Variants in CUX2 observed in about 807,000 individuals in gnomAD.
CUX2 encodes homeobox protein cut-like 2.
In CUX2, 40 loss-of-function variants were observed where a neutral mutation model predicts 144.8. The observed-to-expected ratio is 0.28, with a 90% CI of 0.21 to 0.36. CUX2 has a LOEUF of 0.36. Among genes scored for constraint, CUX2 ranks in the 10% least tolerant of loss-of-function variants. The probability of loss-of-function intolerance (pLI) is 1.00; values close to 1 mark genes in which losing one functional copy is unlikely to be tolerated. For synonymous variants in CUX2, 827 were observed against 875.6 expected (o/e 0.94, Z 0.98); for missense variants, 1,615 against 1,994.0 (o/e 0.81, Z 3.62).
chr12:111,295,527 A>G lies in CUX2; in HGVS notation c.637+118A>G. The G allele has an allele frequency of 1.2e-6, 1 of 824,148 alleles. No homozygotes were observed. Among genetic ancestry groups the G allele is most frequent in the Non-Finnish European group, 1.9e-6 (1 of 534,850 alleles). 51.1% of individuals were successfully genotyped at this position (824,148 alleles called of 1,614,324 possible). A position where few individuals can be genotyped will look rare whatever the true frequency, so the allele number is the denominator to read the frequency against. ...AGGTGTTTTAGAATCAAGAGGGCAA[A>G]ATGGGAGTTTGGGAAGAATAATCTT... On this transcript the variant is annotated intron_variant, in intron 7 of 21. Coordinates refer to ENST00000261726, the MANE Select transcript of CUX2 (RefSeq NM_015267.4). The surrounding 1 kb of genome is among the most constrained non-coding windows in gnomAD (Gnocchi z 5.0).
At chr12:111,264,532 C>T (rs548638946) in intron 4 of CUX2, among the ~76,000 whole-genome samples, 6 of 152,236 alleles carry the variant, frequency 3.9e-5, no homozygotes, top group East Asian at 1.9e-4. Context: ...GTCAGGAGTT[C>T]GAGACCAGTC....
Position 111,320,148 on chromosome 12 carries a change from G to A in CUX2, c.2139G>A (p.Glu713=). The change falls in exon 17 of 22, where the codon GAG becomes GAA. Residue 713 remains glutamate, a synonymous_variant. Coordinates refer to ENST00000261726, the MANE Select transcript of CUX2 (RefSeq NM_015267.4). This position sits in a 1 kb window ranked among gnomAD's most constrained non-coding sequence, Gnocchi z 8.1. ...EMQAQQQALL[E]MEVAPRGRSV... ...AGGCGCAACAGCAGGCGCTGCTGGA[G>A]ATGGAGGTGGCGCCCAGGGGCCGCT... is the stretch of plus-strand genomic sequence containing the variant. The A allele has an allele frequency of 1.9e-6, 3 of 1,549,812 alleles. No homozygotes were observed. Among genetic ancestry groups the A allele is most frequent in the Non-Finnish European group, 2.6e-6 (3 of 1,151,430 alleles).
rs1463620478 is a variant in CUX2 at position 111,061,926 on chromosome 12, A to C, written c.63+27686A>C. Among the ~76,000 whole-genome samples the C allele has an allele frequency of 2.0e-5, 3 of 152,222 alleles. No individual in the cohort carries two copies. The highest frequency in any genetic ancestry group is 4.4e-5 in the Non-Finnish European group (3 of 68,040). ...ATTCTGCCCCTGCCAATAAGACTTC[A>C]GCGCGTGCACTCCATCTGTGCCTCA... On this transcript the variant is annotated intron_variant, in intron 1 of 21. Transcript: ENST00000261726. This position sits in a 1 kb window ranked among gnomAD's most constrained non-coding sequence, Gnocchi z 4.2.
intron 9 of CUX2, among the ~76,000 whole-genome samples, chr12:111,303,876 A>G (rs1886443864): frequency 6.6e-6 from 1 of 152,150 alleles, no homozygotes; most frequent in Non-Finnish European, 1.5e-5. Flanking sequence ...TCCCACCCAG[A>G]GAGCCTCTCT....
At chr12:111,092,870 A>G (rs973823917) in intron 1 of CUX2, among the ~76,000 whole-genome samples, 1 of 138,788 alleles carries the variant, frequency 7.2e-6, no homozygotes, top group Non-Finnish European at 1.5e-5. Flanking sequence ...GCTGGAGTGC[A>G]GTGGCCCGAT....
rs569133621 is a variant in CUX2 at position 111,077,292 on chromosome 12, G to C, written c.63+43052G>C. 6.6e-6 allele frequency among the ~76,000 whole-genome samples: 1 copy of C among 152,172 alleles called. No homozygotes were observed. The highest frequency in any genetic ancestry group is 2.1e-4 in the South Asian group (1 of 4,832). ...AGGCCTTTCCTTGAAACGCGCAGCC[G>C]TGTGGCAGGGCCCGGGAAGACGTGG... On this transcript the variant is annotated intron_variant, in intron 1 of 21. Coordinates refer to ENST00000261726, the MANE Select transcript of CUX2 (RefSeq NM_015267.4). This position sits in a 1 kb window ranked among gnomAD's most constrained non-coding sequence, Gnocchi z 4.1.
chr12:111,296,410 C>G, intron 7 of CUX2, 63 bp from the exon 8 acceptor site: 1 of 1,482,378 alleles, frequency 6.7e-7, no homozygotes, highest in Non-Finnish European at 9.2e-7. Flanking sequence ...CTCCACCTCC[C>G]TGGGAGACCC....
chr12:111,303,648 AAAG>A (rs1446368253), intron 9 of CUX2, among the ~76,000 whole-genome samples: 3 of 151,806 alleles, frequency 2.0e-5, no homozygotes, highest in Non-Finnish European at 2.9e-5. Context: ...AAAAAAAAAA[AAAG>A]AAAAGAAAAG....
At position 111,341,817 on chromosome 12, in the gene CUX2, C is replaced by T; in HGVS notation, c.3423C>T (p.Gly1141=). 6.2e-7 allele frequency: 1 copy of T among 1,611,826 alleles called. No individual in the cohort carries two copies. The highest frequency in any genetic ancestry group is 1.1e-5 in the South Asian group (1 of 90,936). The change falls in exon 21 of 22, where the codon GGC becomes GGT. Residue 1141 remains glycine (G), a synonymous_variant. Coordinates refer to ENST00000261726, the MANE Select transcript of CUX2 (RefSeq NM_015267.4). ...LKRRYGLIST[G]SDSESPATRS... ...GTCGCTATGGCCTCATCAGCACCGG[C>T]TCAGACAGTGAGTCCCCGGCCACCC...
intron 1 of CUX2, among the ~76,000 whole-genome samples, chr12:111,130,342 A>G (rs560425703): frequency 1.7e-4 from 26 of 152,226 alleles, no homozygotes; most frequent in South Asian, 1.2e-3. Flanking sequence ...AGAATTTAGT[A>G]GGTTTCCTCT....
At chr12:111,343,989 G>A (rs1412609020) in intron 21 of CUX2, among the ~76,000 whole-genome samples, 1 of 151,590 alleles carries the variant, frequency 6.6e-6, no homozygotes, top group Non-Finnish European at 1.5e-5. Context: ...GGAGGTGGAG[G>A]TTGCTTTGAG....
intron 3 of CUX2, among the ~76,000 whole-genome samples, chr12:111,241,876 T>G (rs1883035212): frequency 6.6e-6 from 1 of 152,288 alleles, no homozygotes; most frequent in African/African-American, 2.4e-5. Context: ...ATGAGCTGAC[T>G]CCTTATTGTG....
At chr12:111,234,015 T>A (rs563318914) in intron 3 of CUX2, among the ~76,000 whole-genome samples, 6 of 152,300 alleles carry the variant, frequency 3.9e-5, no homozygotes, top group African/African-American at 1.4e-4. Context: ...GGACCAAAAC[T>A]GGAAGTGGTC....
Position 111,348,143 on chromosome 12 carries a change from GC to G in CUX2, c.4286del (p.Pro1429LeufsTer23). 1.2e-6 allele frequency: 2 copies of G among 1,613,662 alleles called. No individual in the cohort carries two copies. The highest frequency in any genetic ancestry group is 8.5e-7 in the Non-Finnish European group (1 of 1,179,874). ...TCCCATCTCCCCATCCCCACCTGGC[GC>G]CCCCCCTGCCAAAGTGCCGAGTGCC... ...SAPISPSPPGAPPAKVPSASP... is the reference protein window; with the variant it reads ...SAPISPSPPGXPPAKVPSASP... On this transcript the variant is annotated frameshift_variant, in exon 22 of 22. Transcript: ENST00000261726. LOFTEE classifies it high-confidence loss of function.
chr12:111,327,986 C>G (rs998868416), intron 18 of CUX2, among the ~76,000 whole-genome samples: 1 of 152,130 alleles, frequency 6.6e-6, no homozygotes, highest in Non-Finnish European at 1.5e-5. Flanking sequence ...ATGCTTGAGC[C>G]TAGGAGGTCA....
chr12:111,313,415 G>A (rs1218955041), intron 16 of CUX2, among the ~76,000 whole-genome samples: 3 of 151,074 alleles, frequency 2.0e-5, no homozygotes, highest in South Asian at 2.1e-4. Context: ...CGAGGCGGGC[G>A]GATCACCTGA....
chr12:111,121,463 G>A (rs550727644), intron 1 of CUX2, among the ~76,000 whole-genome samples: 8 of 121,002 alleles, frequency 6.6e-5, no homozygotes, highest in South Asian at 2.9e-4. Context: ...TGCAACCTCC[G>A]CCTCATGGGT....
At chr12:111,112,893 G>A (rs1437911420) in intron 1 of CUX2, among the ~76,000 whole-genome samples, 1 of 152,202 alleles carries the variant, frequency 6.6e-6, no homozygotes, top group African/African-American at 2.4e-5. Flanking sequence ...GCACCACTGT[G>A]CTCACCCCGG....
intron 18 of CUX2, among the ~76,000 whole-genome samples, chr12:111,332,483 A>G (rs1888164351): frequency 6.6e-6 from 1 of 151,672 alleles, no homozygotes; most frequent in South Asian, 2.1e-4. Flanking sequence ...TTTTCATTAC[A>G]TTTTCTTTCA....
Sources: allele counts gnomAD v4.1 joint callset (sites outside exome capture counted in the v4.1 genomes callset), GRCh38; gene constraint gnomAD v4.1.1; non-coding constraint Gnocchi (gnomAD v3.1); transcripts MANE v1.5; gene names NCBI Gene and HGNC (gene_info 2026-07-23, HGNC 2026-07-21).